The following SLC38A4 variants were observed in gnomAD, a reference collection of about 807,000 sequenced individuals.
SLC38A4 encodes sodium-coupled neutral amino acid transporter 4.
Under a neutral mutation model 63.1 loss-of-function variants are expected in SLC38A4, and 20 were observed. The ratio of observed to expected loss-of-function variants is 0.32; its 90% CI spans 0.22 to 0.46. SLC38A4 has a LOEUF of 0.46. SLC38A4 is among the 20% of genes least tolerant of loss of function. The pLI is 1.00. For missense variants in SLC38A4, 526 were observed against 663.6 expected (o/e 0.79, Z 2.28); for synonymous variants, 230 against 225.5 (o/e 1.02, Z -0.18).
chr12:46,776,784 A>T, intron 13 of SLC38A4, 120 bp downstream of exon 13: 1 of 771,548 alleles, frequency 1.3e-6, no homozygotes, highest in Non-Finnish European at 2.2e-6. Flanking sequence ...ATATTAATTG[A>T]ATATGTGTCA....
chr12:46,807,097 C>A (rs547376944), intron 1 of SLC38A4, among the ~76,000 whole-genome samples: 28 of 151,944 alleles, frequency 1.8e-4, no homozygotes, highest in African/African-American at 6.3e-4. Flanking sequence ...TAATTTTAGT[C>A]ATAGGACGAA....
At position 46,769,298 on chromosome 12, in the gene SLC38A4, A is replaced by G. The variant is rs1334077820; in HGVS notation, c.1430T>C (p.Ile477Thr). 1 of 1,613,132 alleles carries G rather than the reference A, an allele frequency of 6.2e-7. No individual in the cohort carries two copies. Among genetic ancestry groups the G allele is most frequent in the South Asian group, 1.1e-5 (1 of 91,038 alleles). The change falls in exon 15 of 17, where the codon ATC becomes ACC. Residue 477 changes from isoleucine (I) to threonine (T), a missense_variant. By Grantham distance (89) the Ile-to-Thr change is moderately conservative. Coordinates refer to ENST00000266579, the MANE Select transcript of SLC38A4 (RefSeq NM_018018.5). The part of the protein sequence containing the change: ...LVILVPTIKY[I>T]FGFIGASSAT... Reference sequence around the variant, plus strand: ...CTGAAACTCACCTATGAATCCGAAGATGTATTTTATAGTTGGCACAAGGAT... The same window carrying G: ...CTGAAACTCACCTATGAATCCGAAGGTGTATTTTATAGTTGGCACAAGGAT...
chr12:46,831,960 C>T (rs528292566), intron 1 of SLC38A4, among the ~76,000 whole-genome samples: 1 of 148,598 alleles, frequency 6.7e-6, no homozygotes, highest in East Asian at 1.9e-4. Flanking sequence ...CATACCCCAG[C>T]CCTCCTGGAA....
chr12:46,780,883 A>G (rs1353423586), intron 7 of SLC38A4, among the ~76,000 whole-genome samples: 3 of 152,068 alleles, frequency 2.0e-5, no homozygotes, highest in Non-Finnish European at 4.4e-5. Context: ...TTGTTGACAC[A>G]TGGCCAAAAG....
At chr12:46,803,289 C>T (rs1398233926) in intron 2 of SLC38A4, among the ~76,000 whole-genome samples, 1 of 151,966 alleles carries the variant, frequency 6.6e-6, no homozygotes, top group Non-Finnish European at 1.5e-5. Context: ...AGTCCATGAT[C>T]AACCTGGAGA....
chr12:46,814,122 ATTG>A (rs1453757387), intron 1 of SLC38A4, among the ~76,000 whole-genome samples: 1 of 151,986 alleles, frequency 6.6e-6, no homozygotes, highest in Non-Finnish European at 1.5e-5. Context: ...AGGTATTTCT[ATTG>A]TTCTTTTTTA....
At chr12:46,783,413 C>G (rs977692964) in intron 7 of SLC38A4, among the ~76,000 whole-genome samples, 1 of 151,808 alleles carries the variant, frequency 6.6e-6, no homozygotes, top group Non-Finnish European at 1.5e-5. Flanking sequence ...ATTTTATGCA[C>G]GACAAAAGTA....
chr12:46,776,905 A>C lies in SLC38A4; in HGVS notation c.1173T>G (p.Tyr391Ter). 6.2e-7 allele frequency: 1 copy of C among 1,609,116 alleles called. No individual in the cohort carries two copies. The highest frequency in any genetic ancestry group is 8.5e-7 in the Non-Finnish European group (1 of 1,175,944). Residue 391 changes from tyrosine to a stop codon, truncating the protein, a stop_gained and splice_region_variant, in exon 13 of 17, where the codon TAT becomes TAG. Transcript: ENST00000266579. LOFTEE classifies it high-confidence loss of function. ...LAALFGYLTF[Y>*]GEVEDELLHA... ...AGAATGACTTTCAGAGTGACCTACC[A>C]TAGAAGGTTAGGTAACCAAAGAGGG...
At chr12:46,791,161 T>C (rs182818691) in intron 3 of SLC38A4, among the ~76,000 whole-genome samples, 27 of 152,284 alleles carry the variant, frequency 1.8e-4, no homozygotes, top group Non-Finnish European at 5.9e-5. Flanking sequence ...CATCCTCAGG[T>C]TTGAATCAAT....
chr12:46,820,852 T>C (rs1299021763), intron 1 of SLC38A4, among the ~76,000 whole-genome samples: 2 of 152,110 alleles, frequency 1.3e-5, no homozygotes, highest in African/African-American at 4.8e-5. Context: ...ATCTTTTGTG[T>C]TTTTGATAAT....
At chr12:46,796,684 G>C (rs991038935) in intron 2 of SLC38A4, among the ~76,000 whole-genome samples, 1 of 152,164 alleles carries the variant, frequency 6.6e-6, no homozygotes, top group African/African-American at 2.4e-5. Flanking sequence ...TTTTGGTAGA[G>C]CTTCCATTCC....
chr12:46,768,428 C>T (rs2465583), intron 15 of SLC38A4, 21 bp from the exon 16 acceptor site: 532,486 of 1,578,204 alleles, frequency 0.34, 94,798 homozygotes, highest in Non-Finnish European at 0.37. Context: ...AAACACAGGG[C>T]AAGGTCAATG....
Position 46,768,373 on chromosome 12 carries a change from A to G in SLC38A4, c.1479T>C (p.Leu493=). 1.2e-6 allele frequency: 2 copies of G among 1,611,504 alleles called. No homozygotes were observed. The highest frequency in any genetic ancestry group is 1.7e-6 in the Non-Finnish European group (2 of 1,178,448). ...ASSATMLIFI[L]PAVFYLKLVK... ...CAAGTTTAAGATAAAAAACTGCTGGAAGAATAAAAATCAGCATAGTGGCAG... is the reference window on the plus strand; with the variant it reads ...CAAGTTTAAGATAAAAAACTGCTGGGAGAATAAAAATCAGCATAGTGGCAG... The change falls in exon 16 of 17, where the codon CTT becomes CTC. Residue 493 remains leucine, a synonymous_variant. Transcript: ENST00000266579.
At chr12:46,803,226 T>C (rs1939166518) in intron 2 of SLC38A4, among the ~76,000 whole-genome samples, 1 of 152,090 alleles carries the variant, frequency 6.6e-6, no homozygotes, top group African/African-American at 2.4e-5. Flanking sequence ...TGAGAATGTA[T>C]TTCTGAACTT....
chr12:46,776,121 T>C (rs529007396), intron 13 of SLC38A4, among the ~76,000 whole-genome samples: 2 of 152,138 alleles, frequency 1.3e-5, no homozygotes, highest in Non-Finnish European at 2.9e-5. Flanking sequence ...AGAAAAAAAT[T>C]AAGTTAAAAA....
chr12:46,796,384 G>T (rs990678352), intron 2 of SLC38A4, among the ~76,000 whole-genome samples: 1 of 152,096 alleles, frequency 6.6e-6, no homozygotes, highest in African/African-American at 2.4e-5. Context: ...TATTCTGTTT[G>T]TTCCCTTTGG....
chr12:46,766,661 TA>T lies in SLC38A4; in HGVS notation c.*39del. ...CAAATATCTTTTGGAGTATAACTTG[TA>T]ACCATTTCCAATAGAAAAAGAAAGT... On this transcript the variant is annotated 3_prime_UTR_variant, in exon 17 of 17. Coordinates refer to ENST00000266579, the MANE Select transcript of SLC38A4 (RefSeq NM_018018.5). 1 of 1,275,170 alleles carries T rather than the reference TA, an allele frequency of 7.8e-7. No individual in the cohort carries two copies. Among genetic ancestry groups the T allele is most frequent in the Non-Finnish European group, 1.1e-6 (1 of 879,562 alleles). The allele number at this position is 1,275,170 out of a possible 1,614,324, so 79.0% of individuals were successfully genotyped here.
At chr12:46,769,184 G>A in intron 15 of SLC38A4, 100 bp downstream of exon 15, 1 of 1,330,124 alleles carries the variant, frequency 7.5e-7, no homozygotes. Flanking sequence ...ATGAGCCTGA[G>A]AAAGAACGGG....
At chr12:46,789,997 G>C (rs1268336593) in intron 3 of SLC38A4, among the ~76,000 whole-genome samples, 1 of 152,182 alleles carries the variant, frequency 6.6e-6, no homozygotes, top group Non-Finnish European at 1.5e-5. Flanking sequence ...AGAATCGCTT[G>C]AACCTGGGAG....
Sources: allele counts gnomAD v4.1 joint callset (sites outside exome capture counted in the v4.1 genomes callset), GRCh38; gene constraint gnomAD v4.1.1; transcripts MANE v1.5; gene names NCBI Gene and HGNC (gene_info 2026-07-23, HGNC 2026-07-21).